Variants in DIP2C observed in about 807,000 individuals in gnomAD.
DIP2C encodes DIP2 acetate--CoA ligase C (putative), also known as disco-interacting protein 2 homolog C.
Under a neutral mutation model 192.4 loss-of-function variants are expected in DIP2C, and 33 were observed. The observed-to-expected ratio is 0.17, with a 90% confidence interval of 0.13 to 0.23. The LOEUF is 0.23. Among genes scored for constraint, DIP2C ranks in the 10% least tolerant of loss-of-function variants. The pLI is 1.00. For missense variants in DIP2C, 1,537 were observed against 2,110.1 expected (o/e 0.73, Z 5.32); for synonymous variants, 979 against 864.1 (o/e 1.13, Z -2.33).
intron 9 of DIP2C, among the ~76,000 whole-genome samples, chr10:407,389 A>T (rs889899483): frequency 2.6e-5 from 4 of 152,076 alleles, no homozygotes; most frequent in Non-Finnish European, 5.9e-5. Flanking sequence ...GGCTGCTATG[A>T]GCCTGAGTGT....
At chr10:518,648 C>T (rs1332616078) in intron 1 of DIP2C, among the ~76,000 whole-genome samples, 1 of 152,202 alleles carries the variant, frequency 6.6e-6, no homozygotes. Flanking sequence ...CCATGCTGCA[C>T]CCTCATGCCA....
At position 344,415 on chromosome 10, in the gene DIP2C, C is replaced by T. The variant is rs891415302; in HGVS notation, c.3453+394G>A. ...GGGGCGGGGCGGGGGGGGGTTTGCA[C>T]GGCACCTCGGCAAGGGCGGCATCTG... On this transcript the variant is annotated intron_variant, in intron 28 of 36. Transcript: ENST00000280886. Among the ~76,000 whole-genome samples the T allele has an allele frequency of 7.9e-5, 12 of 151,488 alleles. 1 individual carries two copies. The highest frequency in any genetic ancestry group is 2.1e-4 in the South Asian group (1 of 4,800).
At chr10:281,845 G>T (rs1954847313) in intron 35 of DIP2C, among the ~76,000 whole-genome samples, 1 of 152,178 alleles carries the variant, frequency 6.6e-6, no homozygotes, top group Non-Finnish European at 1.5e-5. Flanking sequence ...CATTTCCTTA[G>T]CTCATAGAGC....
chr10:526,625 A>G (rs190713149), intron 1 of DIP2C, among the ~76,000 whole-genome samples: 2 of 152,198 alleles, frequency 1.3e-5, no homozygotes, highest in Non-Finnish European at 2.9e-5. Flanking sequence ...CTTTGAAGAG[A>G]TGGCAGCACG....
At position 670,157 on chromosome 10, in the gene DIP2C, CG is replaced by C. The variant is rs750592432; in HGVS notation, c.85+19336del. Among the ~76,000 whole-genome samples the C allele has an allele frequency of 1.6e-4, 24 of 152,164 alleles. No homozygotes were observed. In the East Asian group the frequency reaches 4.1e-3, roughly 26 times the overall value. ...ACGCATACACGTGTACACATATGCA[CG>C]TGCGCACATGCATGAACATGTACAC... On this transcript the variant is annotated intron_variant, in intron 1 of 36. Transcript: ENST00000280886.
chr10:566,753 G>C (rs1023405541), intron 1 of DIP2C, among the ~76,000 whole-genome samples: 1 of 152,232 alleles, frequency 6.6e-6, no homozygotes, highest in Non-Finnish European at 1.5e-5. Flanking sequence ...CGTGGCCCAC[G>C]ACTGCTCAAA....
intron 3 of DIP2C, among the ~76,000 whole-genome samples, chr10:459,636 AT>A (rs2133373074): frequency 6.7e-6 from 1 of 148,168 alleles, no homozygotes; most frequent in Non-Finnish European, 1.5e-5. Context: ...AGTGTCCTTC[AT>A]CTGGGCTCTA....
intron 26 of DIP2C, among the ~76,000 whole-genome samples, chr10:345,346 G>A (rs1425912840): frequency 1.2e-5 from 1 of 81,324 alleles, no homozygotes. Context: ...TGGGCCCAGT[G>A]CATCCACAGC....
chr10:676,723 C>A lies in DIP2C; in HGVS notation c.85+12771G>T, dbSNP rs1205000645. On this transcript the variant is annotated intron_variant, in intron 1 of 36. Coordinates refer to ENST00000280886, the MANE Select transcript of DIP2C (RefSeq NM_014974.3). ...AAATCTAACCAAGAGGGTTAAAGAT[C>A]TCTATGAGGAAAATAATATTCTACC... is the stretch of plus-strand genomic sequence containing the variant. 2.0e-5 allele frequency among the ~76,000 whole-genome samples: 3 copies of A among 151,988 alleles called. No individual in the cohort carries two copies. In the East Asian group the frequency reaches 5.8e-4, roughly 29 times the overall value.
intron 31 of DIP2C, among the ~76,000 whole-genome samples, chr10:325,222 G>C (rs553265489): frequency 4.6e-5 from 7 of 152,006 alleles, no homozygotes; most frequent in African/African-American, 1.7e-4. Flanking sequence ...CCCAGATCAC[G>C]GCAATGCACT....
Position 636,532 on chromosome 10 carries a change from G to GA in DIP2C, c.85+52961_85+52962insT, listed in dbSNP as rs1306570852. On this transcript the variant is annotated intron_variant, in intron 1 of 36. Coordinates refer to ENST00000280886, the MANE Select transcript of DIP2C (RefSeq NM_014974.3). This position sits in a 1 kb window ranked among gnomAD's most constrained non-coding sequence, Gnocchi z 4.6. ...CACGCACGCGTTCCCTAAGAATAAAGGACCCTCTGCAGCCGCAGAACCATC... is the reference window on the plus strand; with the variant it reads ...CACGCACGCGTTCCCTAAGAATAAAGAGACCCTCTGCAGCCGCAGAACCATC... Among the ~76,000 whole-genome samples, 1 of 152,102 alleles carries GA rather than the reference G, an allele frequency of 6.6e-6. No homozygotes were observed. The highest frequency in any genetic ancestry group is 1.5e-5 in the Non-Finnish European group (1 of 68,018).
chr10:446,901 C>G (rs569982648), intron 3 of DIP2C, among the ~76,000 whole-genome samples: 1 of 152,290 alleles, frequency 6.6e-6, no homozygotes, highest in African/African-American at 2.4e-5. Flanking sequence ...GCCAAGTGTG[C>G]CAGGCAAAAC....
At chr10:319,405 GTT>G (rs1956909841) in intron 31 of DIP2C, among the ~76,000 whole-genome samples, 1 of 152,130 alleles carries the variant, frequency 6.6e-6, no homozygotes, top group Non-Finnish European at 1.5e-5. Flanking sequence ...CCAAGTTTCT[GTT>G]TATGTTTTTT....
chr10:430,960 T>C (rs1172076577), intron 4 of DIP2C, among the ~76,000 whole-genome samples: 3 of 152,216 alleles, frequency 2.0e-5, no homozygotes, highest in Non-Finnish European at 4.4e-5. Context: ...TCCAGTACCA[T>C]CTGTTAAAAA....
intron 1 of DIP2C, among the ~76,000 whole-genome samples, chr10:506,723 G>A (rs746512788): frequency 3.9e-5 from 6 of 152,284 alleles, no homozygotes; most frequent in African/African-American, 1.4e-4. Context: ...TCTATTTGCC[G>A]GCCACAGCCT....
chr10:472,440 T>C lies in DIP2C; in HGVS notation c.267A>G (p.Ser89=), dbSNP rs755325459. Residue 89 remains serine, a splice_region_variant and synonymous_variant, in exon 3 of 37, where the codon TCA becomes TCG. Coordinates refer to ENST00000280886, the MANE Select transcript of DIP2C (RefSeq NM_014974.3). The part of the protein sequence containing the change: ...SSGSRDERYR[S]DVHTEAVQAA... The stretch of plus-strand genomic sequence containing the variant: ...TGTATCACCCCACCCCGTGCTTACC[T>C]GACCGATAGCGCTCATCTCGTGACC... The C allele has an allele frequency of 6.2e-7, 1 of 1,613,954 alleles. No homozygotes were observed. The highest frequency in any genetic ancestry group is 8.5e-7 in the Non-Finnish European group (1 of 1,179,872).
chr10:548,616 T>G (rs1295217803), intron 1 of DIP2C, among the ~76,000 whole-genome samples: 4 of 84,110 alleles, frequency 4.8e-5, no homozygotes, highest in East Asian at 3.0e-4. Flanking sequence ...GTTATGGGGG[T>G]GACATGGTGT....
chr10:410,126 GA>G (rs1211009769), intron 8 of DIP2C, among the ~76,000 whole-genome samples: 1 of 152,168 alleles, frequency 6.6e-6, no homozygotes, highest in Non-Finnish European at 1.5e-5. Context: ...TTTCATATCA[GA>G]ATGAGAGTTC....
intron 17 of DIP2C, among the ~76,000 whole-genome samples, chr10:378,396 GGT>G (rs562484412): frequency 6.7e-4 from 102 of 152,268 alleles, no homozygotes; most frequent in Non-Finnish European, 1.2e-3. Context: ...GGCATACACA[GGT>G]GAAGACAGAC....
Sources: gnomAD v4.1 joint callset for allele counts (sites outside exome capture counted in the v4.1 genomes callset) on GRCh38, gnomAD v4.1.1 for gene constraint, Gnocchi (gnomAD v3.1) non-coding constraint, MANE v1.5 for transcripts, NCBI Gene and HGNC (gene_info 2026-07-23, HGNC 2026-07-21) for gene names.